The following SAV1 variants were observed in gnomAD, a reference collection of about 807,000 sequenced individuals.
The protein encoded by SAV1 is protein salvador homolog 1.
In SAV1, 23 loss-of-function variants were observed where a neutral mutation model predicts 47.3. That is an observed-to-expected ratio of 0.49 (90% CI 0.35 to 0.69). SAV1 has a LOEUF of 0.69. Among genes scored for constraint, SAV1 ranks in the 30% least tolerant of loss-of-function variants. SAV1 has a pLI of 0.01. For missense variants in SAV1, 448 were observed against 457.4 expected (o/e 0.98, Z 0.19); for synonymous variants, 155 against 159.2 (o/e 0.97, Z 0.20).
chr14:50,643,749 G>C (rs1483779998), intron 3 of SAV1, among the ~76,000 whole-genome samples: 1 of 152,022 alleles, frequency 6.6e-6, no homozygotes, highest in Non-Finnish European at 1.5e-5. Flanking sequence ...ATGGAATCAT[G>C]GGAAAAAACA....
At chr14:50,645,765 T>C (rs1050768628) in intron 2 of SAV1, among the ~76,000 whole-genome samples, 1 of 152,100 alleles carries the variant, frequency 6.6e-6, no homozygotes, top group African/African-American at 2.4e-5. Flanking sequence ...GTAAAACCAT[T>C]CCCGGTTATA....
intron 2 of SAV1, among the ~76,000 whole-genome samples, chr14:50,651,962 G>A (rs1197260780): frequency 2.6e-5 from 4 of 152,088 alleles, no homozygotes; most frequent in Non-Finnish European, 2.9e-5. Context: ...TCCTCATCGG[G>A]AAATATCCTA....
chr14:50,660,510 A>T (rs1595651351), intron 2 of SAV1, among the ~76,000 whole-genome samples: 1 of 148,188 alleles, frequency 6.7e-6, no homozygotes, highest in African/African-American at 2.6e-5. Context: ...TTATTTGCAC[A>T]TGTTTATGGG....
chr14:50,659,617 G>C (rs1372411184), intron 2 of SAV1, among the ~76,000 whole-genome samples: 2 of 152,210 alleles, frequency 1.3e-5, no homozygotes, highest in East Asian at 3.8e-4. Flanking sequence ...GGGAGGCCAA[G>C]GCAGGCAGAT....
chr14:50,658,289 G>A (rs2039829722), intron 2 of SAV1, among the ~76,000 whole-genome samples: 1 of 152,050 alleles, frequency 6.6e-6, no homozygotes, highest in African/African-American at 2.4e-5. Context: ...ATCTTTAAAC[G>A]TTTAAAAATG....
chr14:50,643,198 C>G (rs1595637128), intron 3 of SAV1, among the ~76,000 whole-genome samples: 1 of 152,068 alleles, frequency 6.6e-6, no homozygotes, highest in Admixed American at 6.6e-5. Context: ...TATGAAATTG[C>G]TTTTAAAAAA....
At chr14:50,661,163 G>A (rs1595651866) in intron 2 of SAV1, among the ~76,000 whole-genome samples, 2 of 152,216 alleles carry the variant, frequency 1.3e-5, no homozygotes, top group Non-Finnish European at 2.9e-5. Context: ...TTCTGACTGG[G>A]GTAAGACACC....
chr14:50,644,401 G>C (rs895240418), intron 3 of SAV1, among the ~76,000 whole-genome samples: 1 of 152,186 alleles, frequency 6.6e-6, no homozygotes, highest in Non-Finnish European at 1.5e-5. Flanking sequence ...TAGGGGGTAG[G>C]TCTGTTATTA....
chr14:50,635,216 C>G lies in SAV1; in HGVS notation c.1119G>C (p.Gln373His), dbSNP rs768130986. ...TELENRKQRQQWYAQQHGKNF is the reference protein window; with the variant it reads ...TELENRKQRQHWYAQQHGKNF ...TTTTTCCATGTTGTTGGGCATACCA[C>G]TGCTGTCTCTGCTTTCGGTTTTCCA... Residue 373 changes from glutamine to histidine, a missense_variant, in exon 5 of 5, where the codon CAG becomes CAC. Physicochemically the swap from Gln to His is conservative, Grantham distance 24 (BLOSUM62 0). Transcript: ENST00000324679. The G allele has an allele frequency of 6.2e-7, 1 of 1,614,134 alleles. No homozygotes were observed. The highest frequency in any genetic ancestry group is 1.7e-5 in the Admixed American group (1 of 60,026).
At chr14:50,642,906 G>C (rs2039691819) in intron 3 of SAV1, among the ~76,000 whole-genome samples, 1 of 152,188 alleles carries the variant, frequency 6.6e-6, no homozygotes, top group Admixed American at 6.5e-5. Context: ...GCCTGGATTT[G>C]AACCACAGCT....
chr14:50,650,347 A>C (rs1293998983), intron 2 of SAV1, among the ~76,000 whole-genome samples: 2 of 152,228 alleles, frequency 1.3e-5, no homozygotes, highest in East Asian at 3.8e-4. Flanking sequence ...AACATGAATG[A>C]AGATGATTTC....
chr14:50,637,719 G>A (rs2039647981), intron 4 of SAV1: 1 of 137,768 alleles, frequency 7.3e-6, no homozygotes, highest in African/African-American at 2.8e-5. Context: ...TGTCTCCCAG[G>A]CTGAAGTGCA....
In SAV1 at chr14:50,667,861, G is replaced by T. The variant is rs1308440484; in HGVS notation, c.94+13C>A. 2 of 1,610,790 alleles carry T rather than the reference G, an allele frequency of 1.2e-6. No homozygotes were observed. The highest frequency in any genetic ancestry group is 1.7e-5 in the Admixed American group (1 of 59,908). Reference sequence around the variant, plus strand: ...CCTGGGCCAGGTGTGGGCACGCCCCGCCTGACACTCACTCCGAAGCAGAGG... The same window carrying T: ...CCTGGGCCAGGTGTGGGCACGCCCCTCCTGACACTCACTCCGAAGCAGAGG... On this transcript the variant is annotated intron_variant, in intron 1 of 4. Transcript: ENST00000324679.
At chr14:50,638,605 C>A (rs2039655852) in intron 4 of SAV1, among the ~76,000 whole-genome samples, 1 of 152,088 alleles carries the variant, frequency 6.6e-6, no homozygotes, top group Non-Finnish European at 1.5e-5. Flanking sequence ...CACCTGTATC[C>A]AGAGCAGGGT....
chr14:50,650,437 A>G (rs906285328), intron 2 of SAV1, among the ~76,000 whole-genome samples: 2 of 152,238 alleles, frequency 1.3e-5, no homozygotes, highest in African/African-American at 4.8e-5. Flanking sequence ...ATATACATAT[A>G]TGTAGTAGCC....
chr14:50,654,081 G>A (rs2039792467), intron 2 of SAV1, among the ~76,000 whole-genome samples: 1 of 152,066 alleles, frequency 6.6e-6, no homozygotes, highest in Non-Finnish European at 1.5e-5. Flanking sequence ...TCAGGCTGGT[G>A]GTGTTTGAAG....
chr14:50,642,502 A>G lies in SAV1; in HGVS notation c.807-1609T>C, dbSNP rs967912091. Among the ~76,000 whole-genome samples the G allele has an allele frequency of 3.4e-4, 51 of 152,092 alleles. 1 individual carries two copies. Among genetic ancestry groups the G allele is most frequent in the Admixed American group, 2.2e-3 (34 of 15,272 alleles). On this transcript the variant is annotated intron_variant, in intron 3 of 4. Coordinates refer to ENST00000324679, the MANE Select transcript of SAV1 (RefSeq NM_021818.4). ...GAAACTCCGTCTCAGAAAAAAAAAA[A>G]AAAAGAAAAGAAAAACTACCTATCA... is the stretch of plus-strand genomic sequence containing the variant.
In SAV1 at chr14:50,640,938, T is replaced by A. The variant is rs571336385; in HGVS notation, c.807-45A>T. On this transcript the variant is annotated intron_variant, in intron 3 of 4. Coordinates refer to ENST00000324679, the MANE Select transcript of SAV1 (RefSeq NM_021818.4). ...ATTCTTTAGGATAAAGGTCTTAAAA[T>A]CTAAACAAGAAATTATAAAGAACAA... 16 of 1,527,250 alleles carry A rather than the reference T, an allele frequency of 1.0e-5. No individual in the cohort carries two copies. The South Asian group carries it at 2.0e-4, about 19-fold the overall frequency. The allele number at this position is 1,527,250 out of a possible 1,614,324, so 94.6% of individuals were successfully genotyped here.
At position 50,634,933 on chromosome 14, in the gene SAV1, A is replaced by G; in HGVS notation, c.*250T>C. The stretch of plus-strand genomic sequence containing the variant: ...TGACATTTCCGCTGCGTTTTTTTCC[A>G]TCAAGAATACCAAAACAGTTTCCTA... On this transcript the variant is annotated 3_prime_UTR_variant, in exon 5 of 5. Coordinates refer to ENST00000324679, the MANE Select transcript of SAV1 (RefSeq NM_021818.4). 1 of 381,752 alleles carries G rather than the reference A, an allele frequency of 2.6e-6. No individual in the cohort carries two copies. Among genetic ancestry groups the G allele is most frequent in the Non-Finnish European group, 4.7e-6 (1 of 213,272 alleles). 23.6% of individuals were successfully genotyped at this position (381,752 alleles called of 1,614,324 possible).
Sources: gnomAD v4.1 joint callset for allele counts (sites outside exome capture counted in the v4.1 genomes callset) on GRCh38, gnomAD v4.1.1 for gene constraint, MANE v1.5 for transcripts, NCBI Gene and HGNC (gene_info 2026-07-23, HGNC 2026-07-21) for gene names.